The following DCAF4L1 variants were observed in gnomAD, a reference collection of about 807,000 sequenced individuals.
DCAF4L1 encodes the protein DDB1- and CUL4-associated factor 4-like protein 1.
Under a neutral mutation model 28.2 loss-of-function variants are expected in DCAF4L1, and 4 were observed. The ratio of observed to expected loss-of-function variants is 0.14; its 90% CI spans 0.07 to 0.33. DCAF4L1 has a LOEUF of 0.33. Ranked by LOEUF, DCAF4L1 falls within the 10% of genes least tolerant of loss-of-function variation. The pLI is 1.00. For missense variants in DCAF4L1, 331 were observed against 506.1 expected, an observed-to-expected ratio of 0.65 and a Z score of 3.32; for synonymous variants, 252 against 212.1, an observed-to-expected ratio of 1.19 and a Z score of -1.63.
In DCAF4L1 at chr4:41,983,806, A is replaced by G. The variant is rs1435362148; in HGVS notation, c.*823A>G. 1 of 167,094 alleles carries G rather than the reference A, an allele frequency of 6.0e-6. No homozygotes were observed. 10.4% of individuals were successfully genotyped at this position (167,094 alleles called of 1,614,324 possible). On this transcript the variant is annotated 3_prime_UTR_variant, in exon 1 of 1. Transcript: ENST00000333141. The stretch of plus-strand genomic sequence containing the variant: ...TGTTTTTCTACTAAGCAAGGAAGAA[A>G]AAAAACGTGTAATAAGGTTAGTTGC...
In DCAF4L1 at chr4:41,985,331, C is replaced by A. The variant is rs1714119076; in HGVS notation, c.*2348C>A. 1.2e-5 allele frequency: 2 copies of A among 167,036 alleles called. No homozygotes were observed. Among genetic ancestry groups the A allele is most frequent in the South Asian group, 2.1e-4 (1 of 4,828 alleles). The allele number at this position is 167,036 out of a possible 1,614,324, so 10.3% of individuals were successfully genotyped here. ...ATACATTTGAAAAGGCATCCAACTT[C>A]TTTTATTGTCAAGGAAATGCAAATT... is the stretch of plus-strand genomic sequence containing the variant. On this transcript the variant is annotated 3_prime_UTR_variant, in exon 1 of 1. Transcript: ENST00000333141.
Position 41,982,118 on chromosome 4 carries a change from T to A in DCAF4L1, c.326T>A (p.Ile109Asn). Residue 109 changes from isoleucine (I) to asparagine (N), a missense_variant, in exon 1 of 1, where the codon ATC becomes AAC. Physicochemically the swap from Ile to Asn is moderately radical, Grantham distance 149 (BLOSUM62 -3). Transcript: ENST00000333141. This position sits in a 1 kb window ranked among gnomAD's most constrained non-coding sequence, Gnocchi z 4.4. ...ATCATCAGCCTGCGAACTCTGAAGATCCCTTCGTTCCACGTGTACGTGCTC... is the reference window on the plus strand; with the variant it reads ...ATCATCAGCCTGCGAACTCTGAAGAACCCTTCGTTCCACGTGTACGTGCTC... The part of the protein sequence containing the change: ...YGIISLRTLK[I>N]PSFHVYVLRN... 1 of 1,614,164 alleles carries A rather than the reference T, an allele frequency of 6.2e-7. No individual in the cohort carries two copies. Among genetic ancestry groups the A allele is most frequent in the Non-Finnish European group, 8.5e-7 (1 of 1,180,042 alleles).
rs79472317 is a variant in DCAF4L1 at position 41,985,741 on chromosome 4, C to T, written c.*2758C>T. 0.01 allele frequency: 1,702 copies of T among 167,112 alleles called. 9 individuals are homozygous for T. The highest frequency in any genetic ancestry group is 0.014 in the Non-Finnish European group (951 of 68,104). The allele number at this position is 167,112 out of a possible 1,614,324, so 10.4% of individuals were successfully genotyped here. A position where few individuals can be genotyped will look rare whatever the true frequency, so the allele number is the denominator to read the frequency against. On this transcript the variant is annotated 3_prime_UTR_variant, in exon 1 of 1. Transcript: ENST00000333141. ...AATGAGCATAGCACTATGGACAAATCCTGCAAACATAATGTTGAAATAAAG... is the reference window on the plus strand; with the variant it reads ...AATGAGCATAGCACTATGGACAAATTCTGCAAACATAATGTTGAAATAAAG...
chr4:41,982,329 T>C lies in DCAF4L1; in HGVS notation c.537T>C (p.Ser179=), dbSNP rs1277052457. The part of the protein sequence containing the change: ...TRVNQPGMLC[S]FQIPEAWSCA... The stretch of plus-strand genomic sequence containing the variant: ...TTAACCAGCCTGGCATGCTCTGCAG[T>C]TTCCAGATCCCAGAGGCCTGGTCCT... Residue 179 remains serine (S), a synonymous_variant, in exon 1 of 1, where the codon AGT becomes AGC. Transcript: ENST00000333141. The surrounding 1 kb of genome is among the most constrained non-coding windows in gnomAD (Gnocchi z 4.4). The C allele has an allele frequency of 6.2e-7, 1 of 1,614,102 alleles. No individual in the cohort carries two copies. Among genetic ancestry groups the C allele is most frequent in the Admixed American group, 1.7e-5 (1 of 60,004 alleles).
rs779950614 is a variant in DCAF4L1 at position 41,982,926 on chromosome 4, A to C, written c.1134A>C (p.Ala378=). ...FASRLGGIRG[A]APGLLMAVRQ... ...CTCGGCTCGGGGGCATCCGGGGAGC[A>C]GCACCAGGGCTGCTCATGGCTGTCC... Residue 378 remains alanine, a synonymous_variant, in exon 1 of 1, where the codon GCA becomes GCC. Coordinates refer to ENST00000333141, the MANE Select transcript of DCAF4L1 (RefSeq NM_001029955.4). This position sits in a 1 kb window ranked among gnomAD's most constrained non-coding sequence, Gnocchi z 4.4. 1.2e-6 allele frequency: 2 copies of C among 1,613,986 alleles called. No individual in the cohort carries two copies. The highest frequency in any genetic ancestry group is 1.1e-5 in the South Asian group (1 of 91,072).
chr4:41,983,643 T>TAACTTTCA lies in DCAF4L1; in HGVS notation c.*661_*662insACTTTCAA, dbSNP rs1227117966. ...AGTCCTTGATGTGCTTTTGTTGAGG[T>TAACTTTCA]ACCTTTCAGAATGTAAGGTACAGCA... On this transcript the variant is annotated 3_prime_UTR_variant, in exon 1 of 1. Transcript: ENST00000333141. 1 of 167,224 alleles carries TAACTTTCA rather than the reference T, an allele frequency of 6.0e-6. No individual in the cohort carries two copies. The highest frequency in any genetic ancestry group is 2.4e-5 in the African/African-American group (1 of 41,576). The allele number at this position is 167,224 out of a possible 1,614,324, so 10.4% of individuals were successfully genotyped here.
At position 41,985,377 on chromosome 4, in the gene DCAF4L1, C is replaced by T. The variant is rs1439540768; in HGVS notation, c.*2394C>T. The stretch of plus-strand genomic sequence containing the variant: ...AAATTAAAACCACAATGCCACACCA[C>T]TTTCACTATAATGGTTAAAATAAAA... On this transcript the variant is annotated 3_prime_UTR_variant, in exon 1 of 1. Transcript: ENST00000333141. The T allele has an allele frequency of 6.0e-6, 1 of 167,098 alleles. No individual in the cohort carries two copies. The highest frequency in any genetic ancestry group is 1.5e-5 in the Non-Finnish European group (1 of 68,116). The allele number at this position is 167,098 out of a possible 1,614,324, so 10.4% of individuals were successfully genotyped here.
In DCAF4L1 at chr4:41,981,907, G is replaced by A. The variant is rs749280519; in HGVS notation, c.115G>A (p.Val39Ile). The change falls in exon 1 of 1, where the codon GTC becomes ATC. Residue 39 changes from valine (V) to isoleucine (I), a missense_variant. By Grantham distance (29) the Val-to-Ile change is conservative. Transcript: ENST00000333141. ...LRKSQLGFLN[V>I]TSYSRLANEL... ...AAAAAGCCAGCTAGGTTTCCTCAAC[G>A]TCACCAGTTACTCCCGTTTAGCCAA... 3 of 1,614,192 alleles carry A rather than the reference G, an allele frequency of 1.9e-6. No homozygotes were observed. Among genetic ancestry groups the A allele is most frequent in the Non-Finnish European group, 2.5e-6 (3 of 1,180,046 alleles).
chr4:41,983,503 T>C lies in DCAF4L1; in HGVS notation c.*520T>C, dbSNP rs540773227. The C allele has an allele frequency of 6.0e-6, 1 of 167,580 alleles. No individual in the cohort carries two copies. Among genetic ancestry groups the C allele is most frequent in the South Asian group, 2.1e-4 (1 of 4,840 alleles). 10.4% of individuals were successfully genotyped at this position (167,580 alleles called of 1,614,324 possible). On this transcript the variant is annotated 3_prime_UTR_variant, in exon 1 of 1. Transcript: ENST00000333141. ...ATTTAAGGCTGGAGTTTGGAATCAT[T>C]AAATTTGGCCTTCTCAAACTCAATA...
At position 41,982,101 on chromosome 4, in the gene DCAF4L1, C is replaced by T. The variant is rs2660320; in HGVS notation, c.309C>T (p.Ser103=). The T allele has an allele frequency of 0.76, 1,230,196 of 1,613,978 alleles. 481,737 individuals carry two copies. The highest frequency in any genetic ancestry group is 0.97 in the East Asian group (43,425 of 44,868). Residue 103 remains serine (S), a synonymous_variant, in exon 1 of 1, where the codon AGC becomes AGT. Transcript: ENST00000333141. This position sits in a 1 kb window ranked among gnomAD's most constrained non-coding sequence, Gnocchi z 4.4. ...AAGGCTCCAAGTACGGCATCATCAGCCTGCGAACTCTGAAGATCCCTTCGT... is the reference window on the plus strand; with the variant it reads ...AAGGCTCCAAGTACGGCATCATCAGTCTGCGAACTCTGAAGATCCCTTCGT... ...EVEGSKYGII[S]LRTLKIPSFH...
At position 41,983,965 on chromosome 4, in the gene DCAF4L1, A is replaced by T. The variant is rs910464830; in HGVS notation, c.*982A>T. On this transcript the variant is annotated 3_prime_UTR_variant, in exon 1 of 1. Transcript: ENST00000333141. ...TTGCTATGTGAAACAGTATGGACCA[A>T]TCTCAACATGTTGACTGAAATTAGG... The T allele has an allele frequency of 6.0e-6, 1 of 165,842 alleles. No homozygotes were observed. Among genetic ancestry groups the T allele is most frequent in the Non-Finnish European group, 1.5e-5 (1 of 68,114 alleles). 10.3% of individuals were successfully genotyped at this position (165,842 alleles called of 1,614,324 possible).
chr4:41,982,380 A>G lies in DCAF4L1; in HGVS notation c.588A>G (p.Ala196=), dbSNP rs932921291. The G allele has an allele frequency of 8.7e-6, 14 of 1,614,080 alleles. No homozygotes were observed. The highest frequency in any genetic ancestry group is 3.3e-5 in the Admixed American group (2 of 60,004). ...GTGCGTGGTCCCTCAACACCCGGGC[A>G]TATCACTGCTTTAGTGCAGGCTTGT... ...WSCAWSLNTR[A]YHCFSAGLSQ... is the part of the protein sequence containing the mutation. The change falls in exon 1 of 1, where the codon GCA becomes GCG. Residue 196 remains alanine (A), a synonymous_variant. Coordinates refer to ENST00000333141, the MANE Select transcript of DCAF4L1 (RefSeq NM_001029955.4). This position sits in a 1 kb window ranked among gnomAD's most constrained non-coding sequence, Gnocchi z 4.4.
Position 41,985,875 on chromosome 4 carries a change from G to A in DCAF4L1, c.*2892G>A, listed in dbSNP as rs2581438. 0.72 allele frequency: 120,819 copies of A among 167,006 alleles called. 46,504 individuals are homozygous for A. The highest frequency in any genetic ancestry group is 0.96 in the East Asian group (4,993 of 5,188). 10.3% of individuals were successfully genotyped at this position (167,006 alleles called of 1,614,324 possible). A position where few individuals can be genotyped will look rare whatever the true frequency, so the allele number is the denominator to read the frequency against. On this transcript the variant is annotated 3_prime_UTR_variant, in exon 1 of 1. Coordinates refer to ENST00000333141, the MANE Select transcript of DCAF4L1 (RefSeq NM_001029955.4). ...GCAGGATTAATGGTATACTTGTAGG[G>A]CAGAAGAGTAGTGACCAGAAGAAGA...
In DCAF4L1 at chr4:41,983,009, T is replaced by G; in HGVS notation, c.*26T>G. 6.4e-7 allele frequency: 1 copy of G among 1,563,584 alleles called. No individual in the cohort carries two copies. The highest frequency in any genetic ancestry group is 8.7e-7 in the Non-Finnish European group (1 of 1,154,136). On this transcript the variant is annotated 3_prime_UTR_variant, in exon 1 of 1. Transcript: ENST00000333141. ...TTCTGCAGGTGGCAGCGCGGCCGAA[T>G]GTGGATTTGACTTAAGGAAGTTAAG... is the stretch of plus-strand genomic sequence containing the variant.
chr4:41,983,114 A>G lies in DCAF4L1; in HGVS notation c.*131A>G, dbSNP rs1250336374. On this transcript the variant is annotated 3_prime_UTR_variant, in exon 1 of 1. Transcript: ENST00000333141. Reference sequence around the variant, plus strand: ...TCGCATCCATCCGGCTGCCAGGGGTAAGGTGTTAAGAGTTTTATGTGGAGA... The same window carrying G: ...TCGCATCCATCCGGCTGCCAGGGGTGAGGTGTTAAGAGTTTTATGTGGAGA... The G allele has an allele frequency of 6.4e-6, 5 of 782,884 alleles. No homozygotes were observed. The highest frequency in any genetic ancestry group is 4.1e-6 in the Non-Finnish European group (2 of 489,308). 48.5% of individuals were successfully genotyped at this position (782,884 alleles called of 1,614,324 possible).
In DCAF4L1 at chr4:41,986,243, G is replaced by A. The variant is rs1714153366; in HGVS notation, c.*3260G>A. The A allele has an allele frequency of 1.2e-5, 2 of 167,066 alleles. No homozygotes were observed. The allele number at this position is 167,066 out of a possible 1,614,324, so 10.3% of individuals were successfully genotyped here. On this transcript the variant is annotated 3_prime_UTR_variant, in exon 1 of 1. Transcript: ENST00000333141. ...TTCATAGATAAGGAGTGAAACTCAG[G>A]GTTAGTCGCTCCTGTTTCCTTAGTT...
In DCAF4L1 at chr4:41,984,981, T is replaced by A. The variant is rs1414909616; in HGVS notation, c.*1998T>A. The A allele has an allele frequency of 6.0e-6, 1 of 167,070 alleles. No homozygotes were observed. The highest frequency in any genetic ancestry group is 1.5e-5 in the Non-Finnish European group (1 of 68,104). 10.3% of individuals were successfully genotyped at this position (167,070 alleles called of 1,614,324 possible). A position where few individuals can be genotyped will look rare whatever the true frequency, so the allele number is the denominator to read the frequency against. On this transcript the variant is annotated 3_prime_UTR_variant, in exon 1 of 1. Coordinates refer to ENST00000333141, the MANE Select transcript of DCAF4L1 (RefSeq NM_001029955.4). ...TAGATAATAAAACTAAATGATAAAG[T>A]AGATACAGGGTTAAAGGATATGTAT...
Position 41,985,557 on chromosome 4 carries a change from C to T in DCAF4L1, c.*2574C>T, listed in dbSNP as rs528020166. The T allele has an allele frequency of 1.2e-5, 2 of 167,178 alleles. No homozygotes were observed. The highest frequency in any genetic ancestry group is 2.9e-5 in the Non-Finnish European group (2 of 68,104). 10.4% of individuals were successfully genotyped at this position (167,178 alleles called of 1,614,324 possible). On this transcript the variant is annotated 3_prime_UTR_variant, in exon 1 of 1. Coordinates refer to ENST00000333141, the MANE Select transcript of DCAF4L1 (RefSeq NM_001029955.4). ...AGCTAGAAGTTTGCATACTCTATGA[C>T]CCAGTCATTTCAGTCCTAGGAATAT... is the stretch of plus-strand genomic sequence containing the variant.
Position 41,984,612 on chromosome 4 carries a change from T to G in DCAF4L1, c.*1629T>G. ...TGGGGAGGATGAGGAGAAAAAACTT[T>G]AGGTGAAGGGAATGATGCTGAGTTT... On this transcript the variant is annotated 3_prime_UTR_variant, in exon 1 of 1. Transcript: ENST00000333141. 6.0e-6 allele frequency: 1 copy of G among 167,074 alleles called. No individual in the cohort carries two copies. 10.3% of individuals were successfully genotyped at this position (167,074 alleles called of 1,614,324 possible).
Sources: gnomAD v4.1 joint callset for allele counts on GRCh38, gnomAD v4.1.1 for gene constraint, Gnocchi (gnomAD v3.1) non-coding constraint, MANE v1.5 for transcripts, NCBI Gene and HGNC (gene_info 2026-07-23, HGNC 2026-07-21) for gene names.